Variants in AKR1B15 observed in about 807,000 individuals in gnomAD.
AKR1B15 encodes aldo-keto reductase family 1 member B15, also known as estradiol 17-beta-dehydrogenase AKR1B15.
Under a neutral mutation model 38.5 loss-of-function variants are expected in AKR1B15, and 49 were observed. The ratio of observed to expected loss-of-function variants is 1.27; its 90% CI spans 1.01 to 1.62. The LOEUF (loss-of-function observed/expected upper bound fraction) is 1.62, where lower values mean the gene tolerates loss of function less well. AKR1B15 is among the 40% of genes most tolerant of loss of function. The pLI, the probability that AKR1B15 is intolerant of heterozygous loss-of-function variation, is 0.00. For synonymous variants in AKR1B15, 137 were observed against 135.5 expected (o/e 1.01, Z -0.08); for missense variants, 411 against 381.6 (o/e 1.08, Z -0.64).
At chr7:134,565,387 A>G (rs1794508937) in intron 3 of AKR1B15, 1 of 1,595,250 alleles carries the variant, frequency 6.3e-7, no homozygotes, top group South Asian at 1.1e-5. Flanking sequence ...TCTTGAAGCC[A>G]GCGAGACCAC....
At chr7:134,572,284 C>T (rs963770878) in intron 6 of AKR1B15, among the ~76,000 whole-genome samples, 1 of 152,132 alleles carries the variant, frequency 6.6e-6, no homozygotes, top group African/African-American at 2.4e-5. Context: ...TAGACCCAGA[C>T]TCATCTGAAT....
intron 1 of AKR1B15, among the ~76,000 whole-genome samples, chr7:134,551,033 G>A (rs966743105): frequency 2.6e-5 from 4 of 152,262 alleles, no homozygotes; most frequent in Middle Eastern, 3.4e-3. Context: ...GTAGCCATTC[G>A]TGATCCTACC....
intron 1 of AKR1B15, among the ~76,000 whole-genome samples, chr7:134,551,549 C>T (rs945916637): frequency 4.6e-5 from 7 of 152,142 alleles, no homozygotes; most frequent in Non-Finnish European, 7.3e-5. Flanking sequence ...CTTACATCAG[C>T]CAGCTTTTAG....
In AKR1B15 at chr7:134,579,769, A is replaced by AT. The variant is rs1381335826; in HGVS notation, c.*226dup. The AT allele has an allele frequency of 6.1e-6, 3 of 492,854 alleles. No homozygotes were observed. The highest frequency in any genetic ancestry group is 2.0e-5 in the African/African-American group (1 of 49,934). 30.5% of individuals were successfully genotyped at this position (492,854 alleles called of 1,614,324 possible). On this transcript the variant is annotated 3_prime_UTR_variant, in exon 12 of 12. Coordinates refer to ENST00000457545, the MANE Select transcript of AKR1B15 (RefSeq NM_001080538.3). ...GCATGGCCTGAATAAGCAAATGACA[A>AT]TTTTTTCCACTTATCTGATCTGATC...
At chr7:134,558,239 C>T (rs1198363676) in intron 2 of AKR1B15, among the ~76,000 whole-genome samples, 1 of 152,144 alleles carries the variant, frequency 6.6e-6, no homozygotes, top group Non-Finnish European at 1.5e-5. Context: ...AAGGAAATTG[C>T]GCCTTGGTGG....
At chr7:134,551,166 C>CCCT (rs1793960100) in intron 1 of AKR1B15, among the ~76,000 whole-genome samples, 2 of 152,160 alleles carry the variant, frequency 1.3e-5, no homozygotes, top group South Asian at 4.1e-4. Context: ...CACCCTATAA[C>CCCT]CCTCCTCCTC....
At chr7:134,565,584 A>G (rs781135033) in intron 3 of AKR1B15, 1 of 1,612,072 alleles carries the variant, frequency 6.2e-7, no homozygotes, top group Admixed American at 1.7e-5. Context: ...TCTTCTCTGG[A>G]GGGCTGTTTG....
intron 2 of AKR1B15, among the ~76,000 whole-genome samples, chr7:134,558,771 T>C (rs1794289688): frequency 6.6e-6 from 1 of 152,166 alleles, no homozygotes; most frequent in Admixed American, 6.5e-5. Context: ...AAAGGATCAT[T>C]TCCTCAAAAA....
chr7:134,575,900 G>GT lies in AKR1B15; in HGVS notation c.716_717insT (p.Leu241ProfsTer6). 1.2e-6 allele frequency: 2 copies of GT among 1,613,748 alleles called. No individual in the cohort carries two copies. Among genetic ancestry groups the GT allele is most frequent in the Non-Finnish European group, 1.7e-6 (2 of 1,179,780 alleles). On this transcript the variant is annotated frameshift_variant, in exon 8 of 12. Coordinates refer to ENST00000457545, the MANE Select transcript of AKR1B15 (RefSeq NM_001080538.3). LOFTEE classifies it high-confidence loss of function. ...AAGGGCATCACCGTTACGGCCTACA[G>GT]CCCCCTGGGCTCTCCGGATAGACCT...
intron 6 of AKR1B15, among the ~76,000 whole-genome samples, chr7:134,572,140 T>C (rs185514499): frequency 2.0e-5 from 3 of 152,306 alleles, no homozygotes; most frequent in African/African-American, 7.2e-5. Flanking sequence ...GGAACATCAG[T>C]CATAAAGCCC....
intron 2 of AKR1B15, among the ~76,000 whole-genome samples, chr7:134,558,568 G>A (rs1233666624): frequency 6.6e-6 from 1 of 152,152 alleles, no homozygotes; most frequent in African/African-American, 2.4e-5. Context: ...AGGAAGAGTA[G>A]AGTGGATGAA....
chr7:134,575,485 C>T lies in AKR1B15; in HGVS notation c.579C>T (p.Phe193=). 1 of 1,613,878 alleles carries T rather than the reference C, an allele frequency of 6.2e-7. No individual in the cohort carries two copies. The highest frequency in any genetic ancestry group is 8.5e-7 in the Non-Finnish European group (1 of 1,179,826). ...TTGGGGTCTCAAATTTCAACCACTT[C>T]CAGATCGAGAGGCTCTTGAACAAAC... is the stretch of plus-strand genomic sequence containing the variant. ...KALGVSNFNH[F]QIERLLNKPG... Residue 193 remains phenylalanine, a synonymous_variant, in exon 7 of 12, where the codon TTC becomes TTT. Transcript: ENST00000457545.
At chr7:134,566,149 C>T (rs1794528940) in intron 3 of AKR1B15, among the ~76,000 whole-genome samples, 1 of 152,138 alleles carries the variant, frequency 6.6e-6, no homozygotes, top group Non-Finnish European at 1.5e-5. Context: ...AATAAATTAG[C>T]TGTGCATGGT....
At chr7:134,569,989 T>G (rs1488351808) in intron 5 of AKR1B15, 2 of 158,392 alleles carry the variant, frequency 1.3e-5, no homozygotes, top group African/African-American at 4.8e-5. Flanking sequence ...TGGCTGCCTG[T>G]GGGCCGGGCA....
Position 134,558,443 on chromosome 7 carries a change from T to A in AKR1B15, c.-23+1584T>A, listed in dbSNP as rs573666970. Among the ~76,000 whole-genome samples, 16 of 152,304 alleles carry A rather than the reference T, an allele frequency of 1.1e-4. No homozygotes were observed. The South Asian group carries it at 2.9e-3, about 28-fold the overall frequency. Reference sequence around the variant, plus strand: ...AACATCATACCCAGATTTGAACTAATAGAAAATACTGATTCAGATACTGCA... The same window carrying A: ...AACATCATACCCAGATTTGAACTAAAAGAAAATACTGATTCAGATACTGCA... On this transcript the variant is annotated intron_variant, in intron 2 of 11. Transcript: ENST00000457545.
chr7:134,551,553 C>T (rs146319627), intron 1 of AKR1B15, among the ~76,000 whole-genome samples: 12 of 152,282 alleles, frequency 7.9e-5, no homozygotes, highest in Non-Finnish European at 1.5e-4. Context: ...CATCAGCCAG[C>T]TTTTAGAGAT....
At chr7:134,565,120 G>T (rs1044781367) in intron 3 of AKR1B15, 3 of 314,630 alleles carry the variant, frequency 9.5e-6, no homozygotes, top group African/African-American at 4.2e-5. Flanking sequence ...GCAGGGAACC[G>T]CTCAGATACC....
intron 2 of AKR1B15, among the ~76,000 whole-genome samples, chr7:134,562,072 C>T (rs1395839147): frequency 6.6e-6 from 1 of 152,140 alleles, no homozygotes; most frequent in African/African-American, 2.4e-5. Context: ...CAACTTCCAC[C>T]TCCTAGGTTC....
intron 6 of AKR1B15, among the ~76,000 whole-genome samples, 151 bp downstream of exon 6, chr7:134,571,832 G>C (rs1046899669): frequency 6.6e-6 from 1 of 152,052 alleles, no homozygotes; most frequent in Non-Finnish European, 1.5e-5. Context: ...CATCACCTTT[G>C]GCTTTTGGGT....
Sources: allele counts gnomAD v4.1 joint callset (sites outside exome capture counted in the v4.1 genomes callset), GRCh38; gene constraint gnomAD v4.1.1; transcripts MANE v1.5; gene names NCBI Gene and HGNC (gene_info 2026-07-23, HGNC 2026-07-21).